The following ADCYAP1R1 variants were observed in gnomAD, a reference collection of about 807,000 sequenced individuals.
The protein encoded by ADCYAP1R1 is ADCYAP receptor type I.
Under a neutral mutation model 67.6 loss-of-function variants are expected in ADCYAP1R1, and 44 were observed. The ratio of observed to expected loss-of-function variants is 0.65; its 90% CI spans 0.51 to 0.84. The LOEUF (loss-of-function observed/expected upper bound fraction) is 0.84, where lower values mean the gene tolerates loss of function less well. Among genes scored for constraint, ADCYAP1R1 ranks in the 40% least tolerant of loss-of-function variants. The pLI, the probability that ADCYAP1R1 is intolerant of heterozygous loss-of-function variation, is 0.00. For synonymous variants in ADCYAP1R1, 222 were observed against 219.6 expected (o/e 1.01, Z -0.10); for missense variants, 477 against 587.9 (o/e 0.81, Z 1.95).
chr7:31,096,239 G>T (rs577004832), intron 13 of ADCYAP1R1, among the ~76,000 whole-genome samples: 2 of 152,182 alleles, frequency 1.3e-5, no homozygotes, highest in African/African-American at 2.4e-5. Context: ...TGCAGCTTGG[G>T]TGGAGGAGGG....
In ADCYAP1R1 at chr7:31,107,807, G is replaced by A. The variant is rs1314313964; in HGVS notation, c.*1123G>A. On this transcript the variant is annotated 3_prime_UTR_variant, in exon 16 of 16. Transcript: ENST00000304166. ...GACTCAACTATTGAAATCTCTCTGAGACCTCTGCAAAGATGTCCCTTTTAT... is the reference window on the plus strand; with the variant it reads ...GACTCAACTATTGAAATCTCTCTGAAACCTCTGCAAAGATGTCCCTTTTAT... The A allele has an allele frequency of 6.6e-6, 1 of 152,274 alleles. No homozygotes were observed. Among genetic ancestry groups the A allele is most frequent in the African/African-American group, 2.4e-5 (1 of 41,440 alleles). The allele number at this position is 152,274 out of a possible 1,614,324, so 9.4% of individuals were successfully genotyped here.
intron 14 of ADCYAP1R1, among the ~76,000 whole-genome samples, chr7:31,103,812 T>TG (rs1796532410): frequency 6.7e-6 from 1 of 150,208 alleles, no homozygotes; most frequent in Admixed American, 6.6e-5. Context: ...CATGAGTGAG[T>TG]GGGGGGATGA....
chr7:31,088,653 C>A (rs1404788075), intron 12 of ADCYAP1R1, among the ~76,000 whole-genome samples: 1 of 152,122 alleles, frequency 6.6e-6, no homozygotes, highest in African/African-American at 2.4e-5. Context: ...GTTGAAATGT[C>A]ATTTTATTAT....
chr7:31,096,768 G>T (rs986002435), intron 13 of ADCYAP1R1, among the ~76,000 whole-genome samples: 1 of 152,116 alleles, frequency 6.6e-6, no homozygotes, highest in Non-Finnish European at 1.5e-5. Flanking sequence ...GACTGGGCAG[G>T]GCTCCGGGGG....
At chr7:31,100,086 T>C in intron 13 of ADCYAP1R1, 1 of 1,536,026 alleles carries the variant, frequency 6.5e-7, no homozygotes, top group Non-Finnish European at 8.8e-7. Context: ...CACTGCCTGG[T>C]GCCCCCCAGC....
chr7:31,094,747 G>A (rs565261070), intron 13 of ADCYAP1R1, among the ~76,000 whole-genome samples: 5 of 152,238 alleles, frequency 3.3e-5, no homozygotes, highest in East Asian at 3.9e-4. Context: ...CTTGAGTCTT[G>A]TTAGGTCTTC....
At position 31,078,068 on chromosome 7, in the gene ADCYAP1R1, G is replaced by A; in HGVS notation, c.235G>A (p.Glu79Lys). ...TGAGATGGTCCTGGTCAGCTGCCCT[G>A]AGCTCTTCCGAATCTTCAACCCAGA... ...VGEMVLVSCP[E>K]LFRIFNPDQV... is the part of the protein sequence containing the mutation. The change falls in exon 4 of 16, where the codon GAG becomes AAG. Residue 79 changes from glutamate to lysine, a missense_variant. Coordinates refer to ENST00000304166, the MANE Select transcript of ADCYAP1R1 (RefSeq NM_001118.5). 6.2e-7 allele frequency: 1 copy of A among 1,612,896 alleles called. No individual in the cohort carries two copies. The highest frequency in any genetic ancestry group is 8.5e-7 in the Non-Finnish European group (1 of 1,179,372).
intron 1 of ADCYAP1R1, among the ~76,000 whole-genome samples, chr7:31,060,266 A>G (rs978864098): frequency 1.3e-5 from 2 of 152,192 alleles, no homozygotes; most frequent in Non-Finnish European, 2.9e-5. Flanking sequence ...ATGTGTGCCT[A>G]TACCTGCACC....
intron 13 of ADCYAP1R1, chr7:31,095,878 C>G: frequency 1.6e-6 from 1 of 628,898 alleles, no homozygotes; most frequent in South Asian, 1.9e-5. Context: ...GGCACTGAGC[C>G]ACTCGTCCTC....
intron 7 of ADCYAP1R1, 145 bp downstream of exon 7, chr7:31,084,395 T>C (rs1795651056): frequency 1.5e-6 from 1 of 677,566 alleles, no homozygotes; most frequent in Admixed American, 2.6e-5. Flanking sequence ...CTGGCTACTC[T>C]TACAGGATAC....
chr7:31,058,454 G>A (rs944597222), intron 1 of ADCYAP1R1, among the ~76,000 whole-genome samples: 1 of 152,088 alleles, frequency 6.6e-6, no homozygotes, highest in Non-Finnish European at 1.5e-5. Flanking sequence ...AAAGGGGAAT[G>A]GTGTGCTATT....
chr7:31,061,183 C>T (rs143730297), intron 1 of ADCYAP1R1, among the ~76,000 whole-genome samples: 62 of 152,338 alleles, frequency 4.1e-4, no homozygotes, highest in African/African-American at 1.3e-3. Flanking sequence ...TGCAGGGAAT[C>T]GACGCCTGAT....
Position 31,078,107 on chromosome 7 carries a change from A to T in ADCYAP1R1, c.265+9A>T, listed in dbSNP as rs1475679835. ...CTTCAACCCAGACCAAGGTGGGTTT[A>T]GCCCAGTCTCTTTAGGCCACGCTGG... On this transcript the variant is annotated intron_variant, in intron 4 of 15. Transcript: ENST00000304166. The T allele has an allele frequency of 1.2e-6, 2 of 1,603,540 alleles. No homozygotes were observed.
chr7:31,080,499 G>T, intron 4 of ADCYAP1R1, 114 bp from the exon 5 acceptor site: 1 of 1,064,710 alleles, frequency 9.4e-7, no homozygotes, highest in East Asian at 2.5e-5. Context: ...TTAATGTTTG[G>T]GGTTGGGAAG....
intron 15 of ADCYAP1R1, 101 bp downstream of exon 15, chr7:31,105,010 G>A (rs1216043254): frequency 2.4e-6 from 3 of 1,253,116 alleles, no homozygotes; most frequent in East Asian, 4.6e-5. Flanking sequence ...ACTCTTCAGA[G>A]AGGGCTCTGC....
Position 31,086,913 on chromosome 7 carries a change from C to T in ADCYAP1R1, c.824-30C>T, listed in dbSNP as rs1207608384. ...CATTGGACATGTTGGTTTTCCTGTT[C>T]TCACGGACCTCTTTTTCTTGTTCTC... On this transcript the variant is annotated intron_variant, in intron 10 of 15. Coordinates refer to ENST00000304166, the MANE Select transcript of ADCYAP1R1 (RefSeq NM_001118.5). This position sits in a 1 kb window ranked among gnomAD's most constrained non-coding sequence, Gnocchi z 5.0. 1.2e-6 allele frequency: 2 copies of T among 1,613,168 alleles called. No individual in the cohort carries two copies. The highest frequency in any genetic ancestry group is 1.7e-5 in the Admixed American group (1 of 60,028).
chr7:31,086,669 G>T lies in ADCYAP1R1; in HGVS notation c.823+132G>T. The T allele has an allele frequency of 1.8e-6, 2 of 1,138,834 alleles. No homozygotes were observed. The highest frequency in any genetic ancestry group is 2.5e-6 in the Non-Finnish European group (2 of 800,634). 70.5% of individuals were successfully genotyped at this position (1,138,834 alleles called of 1,614,324 possible). A position where few individuals can be genotyped will look rare whatever the true frequency, so the allele number is the denominator to read the frequency against. ...GCCCTGCCCGAGTCTAATGGCCTAG[G>T]CTCTGTCTTGGACTCTTTCTCAATC... On this transcript the variant is annotated intron_variant, in intron 10 of 15. Transcript: ENST00000304166. This position sits in a 1 kb window ranked among gnomAD's most constrained non-coding sequence, Gnocchi z 5.0.
chr7:31,094,950 A>G (rs943646993), intron 13 of ADCYAP1R1, among the ~76,000 whole-genome samples: 1 of 152,074 alleles, frequency 6.6e-6, no homozygotes, highest in African/African-American at 2.4e-5. Context: ...GCCCATGATT[A>G]AAAACTCAGA....
chr7:31,070,708 C>T (rs1709406825), intron 3 of ADCYAP1R1, among the ~76,000 whole-genome samples: 1 of 152,208 alleles, frequency 6.6e-6, no homozygotes, highest in African/African-American at 2.4e-5. Flanking sequence ...CACTTCTATC[C>T]AAACTTGTGT....
Sources: gnomAD v4.1 joint callset for allele counts (sites outside exome capture counted in the v4.1 genomes callset) on GRCh38, gnomAD v4.1.1 for gene constraint, Gnocchi (gnomAD v3.1) non-coding constraint, MANE v1.5 for transcripts, NCBI Gene and HGNC (gene_info 2026-07-23, HGNC 2026-07-21) for gene names.